Variants in ZC3H11A observed in about 807,000 individuals in gnomAD.
ZC3H11A encodes the protein zinc finger CCCH domain-containing protein 11A.
In ZC3H11A, 22 loss-of-function variants were observed where a neutral mutation model predicts 90.8. That is an observed-to-expected ratio of 0.24 (90% CI 0.17 to 0.35). The LOEUF (loss-of-function observed/expected upper bound fraction) is 0.35. ZC3H11A is among the 10% of genes least tolerant of loss of function. The probability of loss-of-function intolerance (pLI) is 1.00; values close to 1 mark genes in which losing one functional copy is unlikely to be tolerated. For synonymous variants in ZC3H11A, 294 were observed against 339.8 expected (o/e 0.87, Z 1.48); for missense variants, 701 against 964.9 (o/e 0.73, Z 3.62).
intron 4 of ZC3H11A, among the ~76,000 whole-genome samples, chr1:203,819,089 TACACACACACACAC>T (rs200302232): frequency 1.4e-5 from 2 of 140,956 alleles, no homozygotes; most frequent in Non-Finnish European, 3.0e-5. Context: ...TATATATATA[TACACACACACACAC>T]ACACACACAC....
At chr1:203,835,528 T>C (rs949200824) in intron 10 of ZC3H11A, 3 of 160,490 alleles carry the variant, frequency 1.9e-5, no homozygotes, top group African/African-American at 4.8e-5. Flanking sequence ...TATTTTTGTT[T>C]ATTTATTTAT....
intron 10 of ZC3H11A, among the ~76,000 whole-genome samples, chr1:203,834,963 A>T (rs933978475): frequency 2.6e-5 from 4 of 152,108 alleles, no homozygotes; most frequent in Middle Eastern, 3.2e-3. Flanking sequence ...TATTTTGAAA[A>T]TTTTTTCTGA....
intron 17 of ZC3H11A, 56 bp from the exon 18 acceptor site, chr1:203,852,085 A>G (rs1199820341): frequency 8.2e-6 from 13 of 1,583,104 alleles, no homozygotes; most frequent in Admixed American, 1.7e-5. Context: ...AGACTAGGTG[A>G]TTCAGCCAAC....
chr1:203,799,502 G>T, intron 1 of ZC3H11A: 1 of 703,018 alleles, frequency 1.4e-6, no homozygotes, highest in Non-Finnish European at 2.6e-6. Context: ...GGCTCTTGGA[G>T]CATTGCTACT....
intron 12 of ZC3H11A, among the ~76,000 whole-genome samples, chr1:203,844,453 G>A (rs939408397): frequency 1.3e-5 from 2 of 152,212 alleles, no homozygotes; most frequent in African/African-American, 2.4e-5. Flanking sequence ...ACAGGTGTGA[G>A]TCACTGCGCC....
rs745660638 is a variant in ZC3H11A at position 203,831,749 on chromosome 1, A to G, written c.789A>G (p.Thr263=). 7 of 1,612,506 alleles carry G rather than the reference A, an allele frequency of 4.3e-6. No individual in the cohort carries two copies. Among genetic ancestry groups the G allele is most frequent in the African/African-American group, 4.0e-5 (3 of 75,030 alleles). The change falls in exon 9 of 18, where the codon ACA becomes ACG. Residue 263 remains threonine, a synonymous_variant. Coordinates refer to ENST00000367210, the MANE Select transcript of ZC3H11A (RefSeq NM_001376342.1). ...EKENVRTVVR[T]VTLSTKQGEE... The stretch of plus-strand genomic sequence containing the variant: ...AAAATGTCAGGACTGTGGTGAGGAC[A>G]GTAACTCTCTCCACCAAACAAGGTA...
At chr1:203,833,727 T>A in intron 9 of ZC3H11A, 64 bp from the exon 10 acceptor site, 1 of 1,423,362 alleles carries the variant, frequency 7.0e-7, no homozygotes, top group Non-Finnish European at 9.7e-7. Context: ...TTTGTACCCA[T>A]TAGTAGTTAC....
At chr1:203,819,070 A>G (rs1677335521) in intron 4 of ZC3H11A, among the ~76,000 whole-genome samples, 1 of 10,504 alleles carries the variant, frequency 9.5e-5, no homozygotes. Context: ...TCCGTCTCAA[A>G]AAAAAAAATA....
chr1:203,825,469 C>G (rs561144898), intron 4 of ZC3H11A, among the ~76,000 whole-genome samples: 1 of 122,800 alleles, frequency 8.1e-6, no homozygotes, highest in Non-Finnish European at 1.6e-5. Context: ...GAGTCTCACT[C>G]TGTCACCCAG....
chr1:203,820,678 C>T (rs772456243), intron 4 of ZC3H11A, among the ~76,000 whole-genome samples: 22 of 151,828 alleles, frequency 1.4e-4, no homozygotes, highest in Non-Finnish European at 2.8e-4. Context: ...CGAGGTTTCG[C>T]GATGTTGGCC....
chr1:203,813,781 A>T (rs932521505), intron 2 of ZC3H11A, among the ~76,000 whole-genome samples: 4 of 152,060 alleles, frequency 2.6e-5, no homozygotes, highest in African/African-American at 9.7e-5. Flanking sequence ...TTGTAGATGC[A>T]TCACTCCAGC....
At chr1:203,806,197 A>G (rs1672281138) in intron 2 of ZC3H11A, 3 of 447,442 alleles carry the variant, frequency 6.7e-6, no homozygotes, top group South Asian at 3.6e-5. Flanking sequence ...GCTGTCCACC[A>G]TGCCAATGCA....
intron 8 of ZC3H11A, 36 bp downstream of exon 8, chr1:203,830,239 T>C: frequency 6.6e-7 from 1 of 1,510,988 alleles, no homozygotes; most frequent in Non-Finnish European, 9.0e-7. Flanking sequence ...TAGTTGTATG[T>C]TGCTAGGGAA....
intron 14 of ZC3H11A, 128 bp downstream of exon 14, chr1:203,848,535 A>G (rs1220855913): frequency 6.0e-6 from 4 of 670,376 alleles, no homozygotes; most frequent in African/African-American, 5.6e-5. Flanking sequence ...CTTTTTACTT[A>G]TAATTTCTTA....
intron 4 of ZC3H11A, 32 bp from the exon 5 acceptor site, chr1:203,828,267 A>C: frequency 1.9e-6 from 3 of 1,613,280 alleles, no homozygotes; most frequent in Non-Finnish European, 2.5e-6. Flanking sequence ...TCACTGTTTT[A>C]TTTGAAAGCA....
In ZC3H11A at chr1:203,844,994, G is replaced by A. The variant is rs192729335; in HGVS notation, c.1043-2190G>A. ...TCATGACTGGCCCAACTGTTCTATAGGCAGTCCTTAAATTTCTACCCTAAT... is the reference window on the plus strand; with the variant it reads ...TCATGACTGGCCCAACTGTTCTATAAGCAGTCCTTAAATTTCTACCCTAAT... On this transcript the variant is annotated intron_variant, in intron 12 of 17. Transcript: ENST00000367210. Among the ~76,000 whole-genome samples, 12 of 152,108 alleles carry A rather than the reference G, an allele frequency of 7.9e-5. No individual in the cohort carries two copies. The East Asian group carries it at 1.7e-3, about 22-fold the overall frequency.
chr1:203,827,970 A>G (rs926348259), intron 4 of ZC3H11A, among the ~76,000 whole-genome samples: 16 of 152,250 alleles, frequency 1.1e-4, no homozygotes, highest in African/African-American at 3.4e-4. Flanking sequence ...AATAAGTAAC[A>G]TAATAGAGAT....
chr1:203,831,756 C>T lies in ZC3H11A; in HGVS notation c.796C>T (p.Leu266Phe), dbSNP rs369543345. The T allele has an allele frequency of 5.7e-5, 92 of 1,611,992 alleles. No homozygotes were observed. Among genetic ancestry groups the T allele is most frequent in the Non-Finnish European group, 7.5e-5 (89 of 1,179,048 alleles). The stretch of plus-strand genomic sequence containing the variant: ...CAGGACTGTGGTGAGGACAGTAACT[C>T]TCTCCACCAAACAAGGTAAGGTATA... Reference protein sequence around the residue: ...NVRTVVRTVTLSTKQGEEPLV... With the variant: ...NVRTVVRTVTFSTKQGEEPLV... Residue 266 changes from leucine to phenylalanine, a missense_variant, in exon 9 of 18, where the codon CTC becomes TTC. By Grantham distance (22) the Leu-to-Phe change is conservative. Around this residue, in one of 4 missense-constraint regions of ZC3H11A, gnomAD observed 530 missense variants for 696.2 expected, o/e 0.76. Transcript: ENST00000367210.
chr1:203,846,169 G>T (rs1020563611), intron 12 of ZC3H11A, among the ~76,000 whole-genome samples: 6 of 145,110 alleles, frequency 4.1e-5, no homozygotes, highest in Admixed American at 6.8e-5. Flanking sequence ...TTGGGGGGGG[G>T]GTTCATTAAA....
Sources: allele counts gnomAD v4.1 joint callset (sites outside exome capture counted in the v4.1 genomes callset), GRCh38; gene constraint gnomAD v4.1.1; regional missense constraint gnomAD v4.1.1; transcripts MANE v1.5; gene names NCBI Gene and HGNC (gene_info 2026-07-23, HGNC 2026-07-21).